DLGAP2: variants seen among roughly 807,000 people sequenced by gnomAD.
The protein encoded by DLGAP2 is DLG associated protein 2.
A neutral mutation model predicts 100.3 loss-of-function variants in DLGAP2; 26 were observed. The ratio of observed to expected loss-of-function variants is 0.26; its 90% CI spans 0.19 to 0.36. The LOEUF (loss-of-function observed/expected upper bound fraction) is 0.36, where lower values mean the gene tolerates loss of function less well. Among genes scored for constraint, DLGAP2 ranks in the 10% least tolerant of loss-of-function variants. The pLI is 1.00. For synonymous variants in DLGAP2, 886 were observed against 630.1 expected (o/e 1.41, Z -6.08); for missense variants, 1,858 against 1,453.2 (o/e 1.28, Z -4.53).
At chr8:802,933 A>G (rs1281704055) in intron 1 of DLGAP2, among the ~76,000 whole-genome samples, 1 of 152,168 alleles carries the variant, frequency 6.6e-6, no homozygotes, top group Non-Finnish European at 1.5e-5. Flanking sequence ...TAGTCTAAAT[A>G]AAGGAAAGGT....
At chr8:988,499 GT>G (rs1316075276) in intron 2 of DLGAP2, among the ~76,000 whole-genome samples, 1 of 152,168 alleles carries the variant, frequency 6.6e-6, no homozygotes, top group East Asian at 1.9e-4. Flanking sequence ...TTTGCAGTTT[GT>G]TTGGCAACAA....
chr8:857,901 G>A lies in DLGAP2; in HGVS notation c.19-50011G>A, dbSNP rs553981093. 6.0e-5 allele frequency among the ~76,000 whole-genome samples: 9 copies of A among 150,506 alleles called. No individual in the cohort carries two copies. The South Asian group carries it at 1.0e-3, about 18-fold the overall frequency. ...TTTTTTTTTTTTGAGACGGAGCCTCGCTCTTGTTGCCCAGGCTGGAGTGCA... is the reference window on the plus strand; with the variant it reads ...TTTTTTTTTTTTGAGACGGAGCCTCACTCTTGTTGCCCAGGCTGGAGTGCA... On this transcript the variant is annotated intron_variant, in intron 1 of 14. Coordinates refer to ENST00000637795, the MANE Select transcript of DLGAP2 (RefSeq NM_001346810.2).
chr8:802,941 G>A (rs996589357), intron 1 of DLGAP2, among the ~76,000 whole-genome samples: 1 of 152,178 alleles, frequency 6.6e-6, no homozygotes, highest in Admixed American at 6.5e-5. Context: ...ATAAAGGAAA[G>A]GTGGGTGGGG....
chr8:1,358,532 A>G (rs1801906394), intron 3 of DLGAP2, among the ~76,000 whole-genome samples: 1 of 152,152 alleles, frequency 6.6e-6, no homozygotes, highest in African/African-American at 2.4e-5. Context: ...CCCTCTTTGC[A>G]TTCCTTAACA....
chr8:741,440 C>T (rs1288172372), intron 1 of DLGAP2, among the ~76,000 whole-genome samples: 4 of 152,222 alleles, frequency 2.6e-5, no homozygotes, highest in Non-Finnish European at 5.9e-5. Flanking sequence ...TCCCAGTCCT[C>T]AGGTCATGGG....
intron 2 of DLGAP2, among the ~76,000 whole-genome samples, chr8:1,234,784 A>C (rs1214700489): frequency 6.6e-6 from 1 of 152,182 alleles, no homozygotes; most frequent in Non-Finnish European, 1.5e-5. Flanking sequence ...GCCTTGCGCA[A>C]CTGGGGCCTT....
At chr8:1,178,939 C>G (rs1168817830) in intron 2 of DLGAP2, among the ~76,000 whole-genome samples, 1 of 152,158 alleles carries the variant, frequency 6.6e-6, no homozygotes, top group Admixed American at 6.5e-5. Flanking sequence ...GGCCTCTGCA[C>G]CTGGGGCCCA....
intron 3 of DLGAP2, among the ~76,000 whole-genome samples, chr8:1,457,886 A>G (rs776914701): frequency 2.3e-4 from 35 of 150,220 alleles, no homozygotes; most frequent in Admixed American, 4.0e-4. Flanking sequence ...AAGGGCATGC[A>G]CATTTCTGCA....
intron 2 of DLGAP2, among the ~76,000 whole-genome samples, chr8:1,042,529 C>T (rs1236444839): frequency 1.3e-5 from 2 of 152,138 alleles, no homozygotes; most frequent in Admixed American, 6.5e-5. Context: ...TGAGAAGAGC[C>T]GTGAAGCGTA....
chr8:1,582,293 G>A (rs1283630540), intron 6 of DLGAP2, among the ~76,000 whole-genome samples: 1 of 145,198 alleles, frequency 6.9e-6, no homozygotes, highest in Non-Finnish European at 1.5e-5. Flanking sequence ...TACCAGAAGT[G>A]AAGGATACAG....
chr8:1,131,950 A>G (rs1431211282), intron 2 of DLGAP2, among the ~76,000 whole-genome samples: 1 of 152,190 alleles, frequency 6.6e-6, no homozygotes, highest in African/African-American at 2.4e-5. Flanking sequence ...TGTGACTGTT[A>G]TGAATTAGAG....
intron 2 of DLGAP2, among the ~76,000 whole-genome samples, chr8:1,092,156 C>T (rs1368531799): frequency 6.6e-6 from 1 of 152,174 alleles, no homozygotes; most frequent in Admixed American, 6.5e-5. Context: ...TCTGTCCTCG[C>T]CTGCCTGGCT....
rs577862624 is a variant in DLGAP2, at chr8:997,991, GTGCACACAAACATGCATAGACA to G, written c.73+90044_73+90065del. Among the ~76,000 whole-genome samples, 1,036 of 144,710 alleles carry G rather than the reference GTGCACACAAACATGCATAGACA, an allele frequency of 7.2e-3. 9 individuals carry two copies. Among genetic ancestry groups the G allele is most frequent in the Admixed American group, 0.036 (507 of 14,258 alleles). The allele number at this position is 144,710 out of a possible 152,430, so 94.9% of individuals were successfully genotyped here. A position where few individuals can be genotyped will look rare whatever the true frequency, so the allele number is the denominator to read the frequency against. The stretch of plus-strand genomic sequence containing the variant: ...CGCATGCATGTACATGCACAAACAC[GTGCACACAAACATGCATAGACA>G]TGCACACAAACATGCATAAACATGT... On this transcript the variant is annotated intron_variant, in intron 2 of 14. Coordinates refer to ENST00000637795, the MANE Select transcript of DLGAP2 (RefSeq NM_001346810.2).
intron 2 of DLGAP2, chr8:1,137,729 A>G (rs1277400057): frequency 6.6e-6 from 1 of 152,102 alleles, no homozygotes; most frequent in African/African-American, 2.4e-5. Flanking sequence ...CTAATCAAAT[A>G]TTTTTCATTA....
At chr8:1,065,435 G>T (rs1803215225) in intron 2 of DLGAP2, among the ~76,000 whole-genome samples, 1 of 152,196 alleles carries the variant, frequency 6.6e-6, no homozygotes, top group African/African-American at 2.4e-5. Context: ...ATTCAGTAGA[G>T]ACTGAAAGCA....
chr8:1,171,578 G>C (rs182153520), intron 2 of DLGAP2, among the ~76,000 whole-genome samples: 1 of 152,050 alleles, frequency 6.6e-6, no homozygotes, highest in Non-Finnish European at 1.5e-5. Context: ...TGTATTGGGT[G>C]CATATATATT....
At chr8:911,530 G>A (rs1448075924) in intron 2 of DLGAP2, among the ~76,000 whole-genome samples, 1 of 149,606 alleles carries the variant, frequency 6.7e-6, no homozygotes, top group Non-Finnish European at 1.5e-5. Context: ...GGAAAGACGT[G>A]TATAACATGT....
At chr8:1,465,411 G>A (rs912984142) in intron 3 of DLGAP2, among the ~76,000 whole-genome samples, 1 of 151,660 alleles carries the variant, frequency 6.6e-6, no homozygotes, top group East Asian at 1.9e-4. Flanking sequence ...AGAGGGAAGG[G>A]GACAGATGAA....
At chr8:1,564,058 G>A (rs1270633627) in intron 5 of DLGAP2, among the ~76,000 whole-genome samples, 1 of 152,120 alleles carries the variant, frequency 6.6e-6, no homozygotes, top group Non-Finnish European at 1.5e-5. Flanking sequence ...TTAGTTCCTT[G>A]ACTACAGACT....
Sources: gnomAD v4.1 joint callset for allele counts (sites outside exome capture counted in the v4.1 genomes callset) on GRCh38, gnomAD v4.1.1 for gene constraint, MANE v1.5 for transcripts, NCBI Gene and HGNC (gene_info 2026-07-23, HGNC 2026-07-21) for gene names.